LPGAT1: variants seen among roughly 807,000 people sequenced by gnomAD.
LPGAT1 encodes lysophosphatidylglycerol acyltransferase 1, also known as acyl-CoA:lysophosphatidylglycerol acyltransferase 1.
Under a neutral mutation model 47.5 loss-of-function variants are expected in LPGAT1, and 11 were observed. The ratio of observed to expected loss-of-function variants is 0.23; its 90% CI spans 0.15 to 0.38. LPGAT1 has a LOEUF of 0.38. Among genes scored for constraint, LPGAT1 ranks in the 10% least tolerant of loss-of-function variants. The probability of loss-of-function intolerance (pLI) is 1.00; values close to 1 mark genes in which losing one functional copy is unlikely to be tolerated. For synonymous variants in LPGAT1, 138 were observed against 144.2 expected, an observed-to-expected ratio of 0.96 and a Z score of 0.31; for missense variants, 293 against 439.0, an observed-to-expected ratio of 0.67 and a Z score of 2.97.
At chr1:211,809,791 A>G (rs1461534866) in intron 2 of LPGAT1, among the ~76,000 whole-genome samples, 2 of 152,112 alleles carry the variant, frequency 1.3e-5, no homozygotes, top group Non-Finnish European at 2.9e-5. Context: ...AGTCATTCAA[A>G]CCTCTTTCCT....
At chr1:211,798,434 C>T (rs1659436187) in intron 2 of LPGAT1, among the ~76,000 whole-genome samples, 1 of 152,100 alleles carries the variant, frequency 6.6e-6, no homozygotes, top group Admixed American at 6.6e-5. Context: ...CCTGTAATCC[C>T]AGCACTCTGG....
intron 6 of LPGAT1, among the ~76,000 whole-genome samples, chr1:211,774,936 C>G (rs1257589831): frequency 6.6e-6 from 1 of 152,092 alleles, no homozygotes; most frequent in African/African-American, 2.4e-5. Flanking sequence ...TTCTGGCAAT[C>G]TAGATATTCT....
chr1:211,786,292 C>T (rs1658875762), intron 4 of LPGAT1, among the ~76,000 whole-genome samples: 1 of 152,212 alleles, frequency 6.6e-6, no homozygotes, highest in African/African-American at 2.4e-5. Context: ...TTTCACAGAA[C>T]TTAGAAGTTT....
chr1:211,798,165 C>T (rs914373245), intron 2 of LPGAT1, among the ~76,000 whole-genome samples: 16 of 152,096 alleles, frequency 1.1e-4, no homozygotes, highest in Non-Finnish European at 1.9e-4. Flanking sequence ...TTATTATGCC[C>T]GCAAGCTGAT....
rs903631104 is a variant in LPGAT1 at position 211,748,621 on chromosome 1, A to C, written c.*1278T>G. 6.6e-6 allele frequency: 1 copy of C among 152,208 alleles called. No homozygotes were observed. The highest frequency in any genetic ancestry group is 1.5e-5 in the Non-Finnish European group (1 of 68,122). 9.4% of individuals were successfully genotyped at this position (152,208 alleles called of 1,614,324 possible). A position where few individuals can be genotyped will look rare whatever the true frequency, so the allele number is the denominator to read the frequency against. On this transcript the variant is annotated 3_prime_UTR_variant, in exon 8 of 8. Transcript: ENST00000366997. ...AATCGCTCGAACCCGGGAGGCAGAG[A>C]CTGCAGTGAGCTGAGATTATGCCAC...
At chr1:211,764,017 C>T (rs942481928) in intron 6 of LPGAT1, among the ~76,000 whole-genome samples, 1 of 152,066 alleles carries the variant, frequency 6.6e-6, no homozygotes, top group Non-Finnish European at 1.5e-5. Context: ...ACTAAAAATA[C>T]AAAAATTAGC....
At chr1:211,757,399 C>A (rs140151782) in intron 6 of LPGAT1, among the ~76,000 whole-genome samples, 123 of 152,272 alleles carry the variant, frequency 8.1e-4, no homozygotes, top group African/African-American at 2.9e-3. Context: ...ATATTACTTA[C>A]CTTACAAAGT....
At chr1:211,754,543 CTAT>C (rs1657356087) in intron 6 of LPGAT1, among the ~76,000 whole-genome samples, 1 of 152,122 alleles carries the variant, frequency 6.6e-6, no homozygotes, top group Non-Finnish European at 1.5e-5. Flanking sequence ...GTCCAATCTA[CTAT>C]GTCTTTTGAA....
chr1:211,759,039 G>A (rs1016092173), intron 6 of LPGAT1, among the ~76,000 whole-genome samples: 1 of 152,050 alleles, frequency 6.6e-6, no homozygotes, highest in East Asian at 1.9e-4. Context: ...TCAATCCTAG[G>A]ATGTATGCTG....
At chr1:211,768,690 CT>C (rs1388302369) in intron 6 of LPGAT1, among the ~76,000 whole-genome samples, 1 of 152,178 alleles carries the variant, frequency 6.6e-6, no homozygotes, top group African/African-American at 2.4e-5. Flanking sequence ...GACATTATCT[CT>C]ATGAAATGAG....
At chr1:211,773,952 A>G (rs1658280819) in intron 6 of LPGAT1, among the ~76,000 whole-genome samples, 1 of 152,126 alleles carries the variant, frequency 6.6e-6, no homozygotes, top group Admixed American at 6.6e-5. Flanking sequence ...AACAATAAAT[A>G]ATATTGGTAA....
In LPGAT1 at chr1:211,830,709, TC is replaced by T; in HGVS notation, c.-165del. On this transcript the variant is annotated 5_prime_UTR_variant, in exon 1 of 8. Coordinates refer to ENST00000366997, the MANE Select transcript of LPGAT1 (RefSeq NM_014873.3). This position sits in a 1 kb window ranked among gnomAD's most constrained non-coding sequence, Gnocchi z 5.9. ...CGGCTGTGGCGCGGCCCGCGCCCGT[TC>T]CCCGGCGGCGCCGAGACTCGGTCCC... 8.5e-7 allele frequency: 1 copy of T among 1,182,806 alleles called. No individual in the cohort carries two copies. The highest frequency in any genetic ancestry group is 1.0e-6 in the Non-Finnish European group (1 of 956,486). 73.3% of individuals were successfully genotyped at this position (1,182,806 alleles called of 1,614,324 possible).
chr1:211,765,881 T>C (rs1657887271), intron 6 of LPGAT1, among the ~76,000 whole-genome samples: 1 of 152,160 alleles, frequency 6.6e-6, no homozygotes, highest in African/African-American at 2.4e-5. Context: ...TGTGTGTTTC[T>C]GGAAGAAAAT....
chr1:211,824,018 A>G (rs1660454697), intron 2 of LPGAT1, among the ~76,000 whole-genome samples: 1 of 152,108 alleles, frequency 6.6e-6, no homozygotes, highest in South Asian at 2.1e-4. Context: ...TCAAGGTTTC[A>G]TATTTTGTGG....
chr1:211,757,474 T>C (rs942598649), intron 6 of LPGAT1, among the ~76,000 whole-genome samples: 3 of 152,234 alleles, frequency 2.0e-5, no homozygotes, highest in African/African-American at 7.2e-5. Flanking sequence ...CTCATACAAA[T>C]GCTAGTATTG....
At chr1:211,817,397 C>G (rs916896018) in intron 2 of LPGAT1, among the ~76,000 whole-genome samples, 1 of 152,062 alleles carries the variant, frequency 6.6e-6, no homozygotes, top group Non-Finnish European at 1.5e-5. Context: ...CATGGCAAAA[C>G]CTCGTCTCTA....
At chr1:211,794,261 T>C (rs1347114579) in intron 2 of LPGAT1, among the ~76,000 whole-genome samples, 1 of 152,168 alleles carries the variant, frequency 6.6e-6, no homozygotes, top group East Asian at 1.9e-4. Context: ...AGGGAAACAG[T>C]GGTATTTCTA....
intron 2 of LPGAT1, among the ~76,000 whole-genome samples, chr1:211,828,402 T>C (rs936738815): frequency 5.3e-5 from 8 of 152,244 alleles, no homozygotes; most frequent in African/African-American, 1.7e-4. Flanking sequence ...CACTTCTGAA[T>C]AGTGTTACTC....
At chr1:211,808,054 G>T (rs1459485007) in intron 2 of LPGAT1, among the ~76,000 whole-genome samples, 1 of 152,038 alleles carries the variant, frequency 6.6e-6, no homozygotes, top group Non-Finnish European at 1.5e-5. Context: ...CCAACAAAGG[G>T]TTTATATCCC....
Sources: allele counts gnomAD v4.1 joint callset (sites outside exome capture counted in the v4.1 genomes callset), GRCh38; gene constraint gnomAD v4.1.1; non-coding constraint Gnocchi (gnomAD v3.1); transcripts MANE v1.5; gene names NCBI Gene and HGNC (gene_info 2026-07-23, HGNC 2026-07-21).